Variants in CDK5RAP2 observed in about 807,000 individuals in gnomAD.
The protein encoded by CDK5RAP2 is CDK5 regulatory subunit associated protein 2.
A neutral mutation model predicts 232.9 loss-of-function variants in CDK5RAP2; 147 were observed. The ratio of observed to expected loss-of-function variants is 0.63; its 90% CI spans 0.55 to 0.72. CDK5RAP2 has a LOEUF of 0.72. Ranked by LOEUF, CDK5RAP2 falls within the 30% of genes least tolerant of loss-of-function variation. CDK5RAP2 has a pLI of 0.00. For synonymous variants in CDK5RAP2, 833 were observed against 833.7 expected, an observed-to-expected ratio of 1.00 and a Z score of 0.01; for missense variants, 2,195 against 2,231.5, an observed-to-expected ratio of 0.98 and a Z score of 0.33.
chr9:120,494,403 T>C (rs565770930), intron 12 of CDK5RAP2, among the ~76,000 whole-genome samples: 2 of 152,110 alleles, frequency 1.3e-5, no homozygotes, highest in Non-Finnish European at 2.9e-5. Flanking sequence ...TAATACGAAA[T>C]GAGCCTAGGA....
Position 120,568,219 on chromosome 9 carries a change from T to A in CDK5RAP2, c.195+102A>T, listed in dbSNP as rs917218827. 5.6e-6 allele frequency: 5 copies of A among 890,578 alleles called. No homozygotes were observed. The African/African-American group carries it at 8.2e-5, about 15-fold the overall frequency. 55.2% of individuals were successfully genotyped at this position (890,578 alleles called of 1,614,324 possible). A position where few individuals can be genotyped will look rare whatever the true frequency, so the allele number is the denominator to read the frequency against. On this transcript the variant is annotated intron_variant, in intron 3 of 37. Transcript: ENST00000349780. ...ACATGGCACCCCCCTGCCTCTGGCA[T>A]CACCGAACTTAGATCTCAAGAAACA...
intron 9 of CDK5RAP2, 37 bp from the exon 10 acceptor site, chr9:120,527,962 CG>C (rs775526161): frequency 2.9e-5 from 46 of 1,611,306 alleles, no homozygotes; most frequent in Admixed American, 1.8e-4. Context: ...TAAGTTGATG[CG>C]TTCCAACCAA....
chr9:120,462,392 C>T (rs1305121205), intron 18 of CDK5RAP2, among the ~76,000 whole-genome samples: 3 of 150,120 alleles, frequency 2.0e-5, no homozygotes, highest in Non-Finnish European at 3.0e-5. Context: ...TCTTATAAAA[C>T]GAGTAATCCT....
At chr9:120,464,441 A>G (rs967655027) in intron 18 of CDK5RAP2, among the ~76,000 whole-genome samples, 6 of 152,208 alleles carry the variant, frequency 3.9e-5, no homozygotes, top group South Asian at 2.1e-4. Context: ...CTGACGCTCA[A>G]TAACACTGCT....
chr9:120,578,180 T>C (rs1253707793), intron 1 of CDK5RAP2, among the ~76,000 whole-genome samples: 2 of 152,146 alleles, frequency 1.3e-5, no homozygotes, highest in Admixed American at 6.5e-5. Flanking sequence ...GGCAGGAGAA[T>C]TGCTTGAACC....
chr9:120,511,715 G>A lies in CDK5RAP2; in HGVS notation c.1311+6712C>T, dbSNP rs577713617. The stretch of plus-strand genomic sequence containing the variant: ...ATTGTAAGTCCCCCTCTTTAGCACT[G>A]TGAAGGATATCACAACATGCTTTTT... On this transcript the variant is annotated intron_variant, in intron 12 of 37. Transcript: ENST00000349780. 7.4e-4 allele frequency among the ~76,000 whole-genome samples: 109 copies of A among 147,882 alleles called. 2 individuals carry two copies. The highest frequency in any genetic ancestry group is 2.6e-3 in the African/African-American group (105 of 40,202).
chr9:120,401,448 CA>C (rs925740800), intron 34 of CDK5RAP2, among the ~76,000 whole-genome samples: 11 of 151,224 alleles, frequency 7.3e-5, no homozygotes, highest in Non-Finnish European at 1.2e-4. Flanking sequence ...CCCATCTCTA[CA>C]AAAAAATAAA....
chr9:120,390,810 A>G (rs1443528992), intron 36 of CDK5RAP2, among the ~76,000 whole-genome samples: 1 of 152,244 alleles, frequency 6.6e-6, no homozygotes, highest in Non-Finnish European at 1.5e-5. Flanking sequence ...CTTCTTCAGA[A>G]TAGGTGTCTG....
intron 12 of CDK5RAP2, among the ~76,000 whole-genome samples, chr9:120,496,770 G>A (rs1295239286): frequency 2.3e-5 from 3 of 127,778 alleles, no homozygotes; most frequent in African/African-American, 3.6e-5. Flanking sequence ...CAGCCGCCCC[G>A]TCCAGGAGGG....
At chr9:120,575,455 G>A (rs2043000472) in intron 1 of CDK5RAP2, among the ~76,000 whole-genome samples, 1 of 152,130 alleles carries the variant, frequency 6.6e-6, no homozygotes. Flanking sequence ...GAAAAGGACT[G>A]ACCTCTTTCT....
At chr9:120,478,771 A>T (rs2038155036) in intron 14 of CDK5RAP2, among the ~76,000 whole-genome samples, 1 of 152,166 alleles carries the variant, frequency 6.6e-6, no homozygotes, top group East Asian at 1.9e-4. Context: ...ACAGAGCAAG[A>T]CCCTGAAATA....
At chr9:120,579,788 C>T (rs1328629906) in intron 1 of CDK5RAP2, 132 bp downstream of exon 1, 5 of 720,254 alleles carry the variant, frequency 6.9e-6, no homozygotes, top group Non-Finnish European at 1.2e-5. Context: ...AGACCCTCTC[C>T]GAAGGAACCC....
At chr9:120,561,143 C>T (rs2042448613) in intron 3 of CDK5RAP2, among the ~76,000 whole-genome samples, 1 of 152,066 alleles carries the variant, frequency 6.6e-6, no homozygotes, top group Non-Finnish European at 1.5e-5. Context: ...AACAATACTG[C>T]ATGTAAGATA....
chr9:120,440,053 C>T (rs2035810786), intron 23 of CDK5RAP2, 81 bp from the exon 24 acceptor site: 2 of 1,239,176 alleles, frequency 1.6e-6, no homozygotes, highest in Non-Finnish European at 2.3e-6. Context: ...CCTAGCCAAG[C>T]CAAGACCACT....
At chr9:120,423,836 A>G (rs922808901) in intron 25 of CDK5RAP2, among the ~76,000 whole-genome samples, 24 of 152,252 alleles carry the variant, frequency 1.6e-4, no homozygotes, top group Non-Finnish European at 2.8e-4. Flanking sequence ...AGATCACTGA[A>G]TCCTTGCACA....
chr9:120,570,603 G>T (rs1247622105), intron 2 of CDK5RAP2, among the ~76,000 whole-genome samples: 1 of 152,210 alleles, frequency 6.6e-6, no homozygotes, highest in African/African-American at 2.4e-5. Context: ...ACTTTGGGAG[G>T]CTGCGGCGGG....
intron 23 of CDK5RAP2, among the ~76,000 whole-genome samples, chr9:120,442,751 TCAAAGCCCAGAA>T (rs1278930215): frequency 6.6e-6 from 1 of 152,158 alleles, no homozygotes. Flanking sequence ...AGCTTTCTCC[TCAAAGCCCAGAA>T]CACGCAGAAG....
rs748216303 is a variant in CDK5RAP2, at chr9:120,419,846, G to A, written c.4119C>T (p.Asp1373=). 2.2e-5 allele frequency: 36 copies of A among 1,613,586 alleles called. No homozygotes were observed. The highest frequency in any genetic ancestry group is 2.3e-5 in the Non-Finnish European group (27 of 1,179,584). Reference sequence around the variant, plus strand: ...TCTCTGTCTCATTATCTTGCTTCTGGTCTCGTGAGAAGAAGGACTTTTCAG... The same window carrying A: ...TCTCTGTCTCATTATCTTGCTTCTGATCTCGTGAGAAGAAGGACTTTTCAG... ...ETSEKSFFSR[D]QKQDNETEKT... is the part of the protein sequence containing the mutation. The change falls in exon 27 of 38, where the codon GAC becomes GAT. Residue 1373 remains aspartate (D), a synonymous_variant. Transcript: ENST00000349780.
chr9:120,544,220 G>T (rs1470941030), intron 5 of CDK5RAP2, among the ~76,000 whole-genome samples: 5 of 152,188 alleles, frequency 3.3e-5, no homozygotes, highest in Non-Finnish European at 7.4e-5. Flanking sequence ...TTTGTGAGCT[G>T]AGGTTTCCAT....
Sources: gnomAD v4.1 joint callset for allele counts (sites outside exome capture counted in the v4.1 genomes callset) on GRCh38, gnomAD v4.1.1 for gene constraint, MANE v1.5 for transcripts, NCBI Gene and HGNC (gene_info 2026-07-23, HGNC 2026-07-21) for gene names.